ADGRG4: variants seen among roughly 807,000 people sequenced by gnomAD.
ADGRG4 encodes G protein-coupled receptor 112.
A neutral mutation model predicts 126.2 loss-of-function variants in ADGRG4; 122 were observed. The ratio of observed to expected loss-of-function variants is 0.97; its 90% CI spans 0.83 to 1.12. The LOEUF (loss-of-function observed/expected upper bound fraction) is 1.12. Ranked by LOEUF, ADGRG4 falls within the 50% of genes most tolerant of loss-of-function variation. ADGRG4 has a pLI of 0.00. For missense variants in ADGRG4, 2,481 were observed against 2,251.8 expected, an observed-to-expected ratio of 1.10 and a Z score of -2.06; for synonymous variants, 943 against 838.7, an observed-to-expected ratio of 1.12 and a Z score of -2.15.
At chrX:136,356,229 A>G (rs6635268) in intron 9 of ADGRG4, 64 bp downstream of exon 9, 367,528 of 753,339 alleles carry the variant, frequency 0.49, 63,961 homozygotes, top group Middle Eastern at 0.56. Flanking sequence ...ATGTAAGTCA[A>G]TAGCTCTTCC....
intron 2 of ADGRG4, 51 bp from the exon 3 acceptor site, chrX:136,304,804 C>G (rs1423727493): frequency 1.8e-5 from 2 of 111,832 alleles, no homozygotes; most frequent in Non-Finnish European, 3.8e-5. Flanking sequence ...TAAACACATG[C>G]CAGGGAAGTG....
intron 25 of ADGRG4, among the ~76,000 whole-genome samples, chrX:136,415,146 A>G (rs914149997): frequency 8.9e-6 from 1 of 112,039 alleles, no homozygotes; most frequent in African/African-American, 3.2e-5. Context: ...TCCAGTTCAC[A>G]CACACTTTGG....
At chrX:136,411,071 T>G (rs2148502606) in intron 23 of ADGRG4, among the ~76,000 whole-genome samples, 1 of 111,818 alleles carries the variant, frequency 8.9e-6, no homozygotes, top group Non-Finnish European at 1.9e-5. Flanking sequence ...ATAATTTTTT[T>G]TTTAAGACAG....
intron 25 of ADGRG4, among the ~76,000 whole-genome samples, chrX:136,415,600 A>T (rs1413827501): frequency 9.0e-6 from 1 of 111,103 alleles, no homozygotes; most frequent in South Asian, 3.8e-4. Flanking sequence ...CATTTATCAA[A>T]CTCTGGCCAA....
At chrX:136,390,233 G>T (rs1207999585) in intron 16 of ADGRG4, among the ~76,000 whole-genome samples, 1 of 110,624 alleles carries the variant, frequency 9.0e-6, no homozygotes, top group Non-Finnish European at 1.9e-5. Flanking sequence ...ATATTTTTTT[G>T]TAGAGATGGG....
intron 5 of ADGRG4, among the ~76,000 whole-genome samples, chrX:136,332,953 G>A (rs2074922609): frequency 9.0e-6 from 1 of 111,225 alleles, no homozygotes; most frequent in Admixed American, 9.5e-5. Context: ...CATTTTGTAG[G>A]TTGCCTGTTC....
chrX:136,364,269 C>G (rs992233365), intron 13 of ADGRG4, among the ~76,000 whole-genome samples: 1 of 111,076 alleles, frequency 9.0e-6, no homozygotes, highest in African/African-American at 3.3e-5. Flanking sequence ...AGTTACTATC[C>G]ACAGAGATAT....
intron 23 of ADGRG4, among the ~76,000 whole-genome samples, chrX:136,408,826 T>C (rs188885987): frequency 7.4e-4 from 82 of 111,561 alleles, no homozygotes; most frequent in African/African-American, 2.5e-3. Flanking sequence ...CTAATTTACA[T>C]TCCCACCAAC....
intron 15 of ADGRG4, among the ~76,000 whole-genome samples, chrX:136,374,872 A>G (rs2075216098): frequency 9.0e-6 from 1 of 111,576 alleles, no homozygotes; most frequent in Non-Finnish European, 1.9e-5. Flanking sequence ...CCATTTTTAA[A>G]TGGGGTAGTT....
chrX:136,383,830 C>CT (rs2075276564), intron 15 of ADGRG4, among the ~76,000 whole-genome samples: 1 of 91,096 alleles, frequency 1.1e-5, no homozygotes, highest in Non-Finnish European at 2.2e-5. Context: ...TTCTTTCTTT[C>CT]TTTCTTTCTT....
chrX:136,366,630 G>T (rs960781683), intron 13 of ADGRG4, among the ~76,000 whole-genome samples: 9 of 112,168 alleles, frequency 8.0e-5, no homozygotes, highest in Non-Finnish European at 1.7e-4. Context: ...TTCCAAAGTG[G>T]CTGTACCATT....
At position 136,310,913 on chromosome X, in the gene ADGRG4, T is replaced by A. The variant is rs752979956; in HGVS notation, c.70+2066T>A. Among the ~76,000 whole-genome samples the A allele has an allele frequency of 4.5e-5, 5 of 111,690 alleles. 1 individual carries two copies. The highest frequency in any genetic ancestry group is 7.7e-4 in the South Asian group (2 of 2,606). ...GGTTTCCTAGTTCTCTGTCTTAGTC[T>A]GCTCAGGATGCCATAACAAAATACT... On this transcript the variant is annotated intron_variant, in intron 4 of 25. Coordinates refer to ENST00000394143, the MANE Select transcript of ADGRG4 (RefSeq NM_153834.4).
chrX:136,363,435 G>C, intron 12 of ADGRG4, 42 bp from the exon 13 acceptor site: 1 of 877,692 alleles, frequency 1.1e-6, no homozygotes, highest in Non-Finnish European at 1.7e-6. Flanking sequence ...GACTATCTTT[G>C]CCTCATCCTC....
At chrX:136,383,094 A>G (rs1020781427) in intron 15 of ADGRG4, among the ~76,000 whole-genome samples, 6 of 111,581 alleles carry the variant, frequency 5.4e-5, no homozygotes, top group Non-Finnish European at 1.1e-4. Context: ...CCAATGTGTG[A>G]TTTATTTTGG....
At chrX:136,301,461 G>A (rs1277373033) in intron 1 of ADGRG4, among the ~76,000 whole-genome samples, 1 of 111,885 alleles carries the variant, frequency 8.9e-6, no homozygotes, top group Non-Finnish European at 1.9e-5. Flanking sequence ...AAATTTGTTG[G>A]AGTTCTTTGT....
At chrX:136,390,039 ATTTG>A (rs757060684) in intron 16 of ADGRG4, among the ~76,000 whole-genome samples, 4 of 111,396 alleles carry the variant, frequency 3.6e-5, no homozygotes, top group African/African-American at 1.3e-4. Flanking sequence ...AACCTTAGAA[ATTTG>A]TTTGTTTGTT....
At chrX:136,414,517 AG>A (rs1227267763) in intron 25 of ADGRG4, among the ~76,000 whole-genome samples, 190 bp downstream of exon 25, 1 of 112,772 alleles carries the variant, frequency 8.9e-6, no homozygotes, top group Non-Finnish European at 1.9e-5. Flanking sequence ...AAGTGTGTAT[AG>A]GTGTTTCTGT....
chrX:136,352,313 GT>G (rs905211690), intron 7 of ADGRG4, among the ~76,000 whole-genome samples: 119 of 107,084 alleles, frequency 1.1e-3, no homozygotes, highest in Middle Eastern at 4.8e-3. Flanking sequence ...TTGTAGTATA[GT>G]TTTTTTTTTA....
At chrX:136,381,183 T>A (rs1713128080) in intron 15 of ADGRG4, among the ~76,000 whole-genome samples, 1 of 111,743 alleles carries the variant, frequency 8.9e-6, no homozygotes, top group African/African-American at 3.3e-5. Context: ...TATTTTATAT[T>A]TTTTTTAGTC....
Sources: allele counts gnomAD v4.1 joint callset (sites outside exome capture counted in the v4.1 genomes callset), GRCh38; gene constraint gnomAD v4.1.1; transcripts MANE v1.5; gene names NCBI Gene and HGNC (gene_info 2026-07-23, HGNC 2026-07-21).